Variants in TPST1 observed in about 807,000 individuals in gnomAD.
TPST1 encodes tyrosylprotein sulfotransferase 1.
A neutral mutation model predicts 34.8 loss-of-function variants in TPST1; 20 were observed. The ratio of observed to expected loss-of-function variants is 0.57; its 90% CI spans 0.40 to 0.84. The LOEUF is 0.84. Among genes scored for constraint, TPST1 ranks in the 40% least tolerant of loss-of-function variants. The pLI, the probability that TPST1 is intolerant of heterozygous loss-of-function variation, is 0.00. For missense variants in TPST1, 353 were observed against 455.5 expected (o/e 0.78, Z 2.05); for synonymous variants, 152 against 159.4 (o/e 0.95, Z 0.35).
intron 2 of TPST1, among the ~76,000 whole-genome samples, chr7:66,255,696 A>T (rs1790369543): frequency 6.6e-6 from 1 of 152,176 alleles, no homozygotes. Context: ...TGGTACTAAG[A>T]TGTTATTTGA....
In TPST1 at chr7:66,328,902, ATATATTTTTTT is replaced by A. The variant is rs1209325644; in HGVS notation, c.1045-23601_1045-23591del. On this transcript the variant is annotated intron_variant, in intron 3 of 5. Coordinates refer to ENST00000304842, the MANE Select transcript of TPST1 (RefSeq NM_003596.4). Reference sequence around the variant, plus strand: ...TCTCTCTCTCTATATATATATATATATATATTTTTTTTTTTTTTTTTTTTTTTGAGACAGGG... The same window carrying A: ...TCTCTCTCTCTATATATATATATATATTTTTTTTTTTTTTTTGAGACAGGG... Among the ~76,000 whole-genome samples, 74 of 38,582 alleles carry A rather than the reference ATATATTTTTTT, an allele frequency of 1.9e-3. 3 individuals are homozygous for A. The highest frequency in any genetic ancestry group is 0.015 in the East Asian group (25 of 1,684). The allele number at this position is 38,582 out of a possible 152,430, so 25.3% of individuals were successfully genotyped here.
At chr7:66,352,107 G>A (rs1269501590) in intron 3 of TPST1, among the ~76,000 whole-genome samples, 1 of 152,146 alleles carries the variant, frequency 6.6e-6, no homozygotes, top group Non-Finnish European at 1.5e-5. Flanking sequence ...TTGTATCCTT[G>A]GAGAATTCAA....
At chr7:66,272,351 C>T (rs1364220166) in intron 2 of TPST1, among the ~76,000 whole-genome samples, 1 of 152,072 alleles carries the variant, frequency 6.6e-6, no homozygotes, top group Non-Finnish European at 1.5e-5. Context: ...ACCACATTTA[C>T]AGAATGAAGG....
At chr7:66,270,578 A>G (rs1376978156) in intron 2 of TPST1, among the ~76,000 whole-genome samples, 3 of 152,202 alleles carry the variant, frequency 2.0e-5, no homozygotes, top group South Asian at 2.1e-4. Context: ...CTTTTAATCG[A>G]CAGATTTCCA....
chr7:66,266,545 C>G (rs1790596036), intron 2 of TPST1, among the ~76,000 whole-genome samples: 1 of 152,210 alleles, frequency 6.6e-6, no homozygotes, highest in African/African-American at 2.4e-5. Context: ...AAGTTATACA[C>G]TTTAAAAATT....
chr7:66,234,571 A>G (rs919816525), intron 1 of TPST1, among the ~76,000 whole-genome samples: 1 of 152,148 alleles, frequency 6.6e-6, no homozygotes, highest in Non-Finnish European at 1.5e-5. Flanking sequence ...TGGAATTGCC[A>G]AGATGTGTCC....
At chr7:66,308,443 T>C (rs1239467397) in intron 3 of TPST1, among the ~76,000 whole-genome samples, 1 of 152,180 alleles carries the variant, frequency 6.6e-6, no homozygotes, top group Non-Finnish European at 1.5e-5. Context: ...GCAGCTCTAA[T>C]GTAACCCCTG....
At chr7:66,220,525 G>A (rs778400695) in intron 1 of TPST1, among the ~76,000 whole-genome samples, 37 of 152,112 alleles carry the variant, frequency 2.4e-4, no homozygotes, top group Admixed American at 7.9e-4. Context: ...GGAAAGCTGC[G>A]CAGGAAAGAT....
At chr7:66,221,846 CTG>C (rs1254799482) in intron 1 of TPST1, among the ~76,000 whole-genome samples, 3 of 152,138 alleles carry the variant, frequency 2.0e-5, no homozygotes, top group African/African-American at 4.8e-5. Flanking sequence ...ACTTGGAAAA[CTG>C]TTTTTCCTCT....
chr7:66,358,717 T>C (rs1257689869), intron 5 of TPST1, among the ~76,000 whole-genome samples: 1 of 152,020 alleles, frequency 6.6e-6, no homozygotes, highest in Non-Finnish European at 1.5e-5. Flanking sequence ...GTTAGTCTTA[T>C]GCCCTGTGGG....
chr7:66,210,763 A>T (rs2116215803), intron 1 of TPST1, among the ~76,000 whole-genome samples: 1 of 152,296 alleles, frequency 6.6e-6, no homozygotes, highest in South Asian at 2.1e-4. Flanking sequence ...CAGGAGTTTG[A>T]GATCAGCCTG....
At chr7:66,315,598 A>G (rs186102018) in intron 3 of TPST1, among the ~76,000 whole-genome samples, 23 of 152,324 alleles carry the variant, frequency 1.5e-4, no homozygotes, top group African/African-American at 5.1e-4. Flanking sequence ...TATTAATGTG[A>G]CAAGACAAGA....
chr7:66,224,508 C>T (rs1279158676), intron 1 of TPST1, among the ~76,000 whole-genome samples: 1 of 152,102 alleles, frequency 6.6e-6, no homozygotes, highest in Non-Finnish European at 1.5e-5. Context: ...GGACATGTCC[C>T]CAGCATCTCT....
chr7:66,234,036 T>C (rs1442468231), intron 1 of TPST1, among the ~76,000 whole-genome samples: 2 of 152,214 alleles, frequency 1.3e-5, no homozygotes, highest in African/African-American at 4.8e-5. Flanking sequence ...TTTTGTATTT[T>C]TAGTACAGAC....
chr7:66,359,981 G>A lies in TPST1; in HGVS notation c.*116G>A. The A allele has an allele frequency of 2.2e-6, 1 of 456,634 alleles. No homozygotes were observed. Among genetic ancestry groups the A allele is most frequent in the Non-Finnish European group, 4.4e-6 (1 of 226,916 alleles). The allele number at this position is 456,634 out of a possible 1,614,324, so 28.3% of individuals were successfully genotyped here. ...TTGGTGGAGCGTCTGCACCTTGGCT[G>A]CGCCGCCTGTGCATTTGCCAGTTTC... On this transcript the variant is annotated 3_prime_UTR_variant, in exon 6 of 6. Coordinates refer to ENST00000304842, the MANE Select transcript of TPST1 (RefSeq NM_003596.4).
chr7:66,325,500 C>T (rs551201096), intron 3 of TPST1, among the ~76,000 whole-genome samples: 12 of 152,058 alleles, frequency 7.9e-5, no homozygotes, highest in African/African-American at 2.9e-4. Context: ...CCCCCCTCCC[C>T]CCAAGACAGG....
At chr7:66,320,973 G>T (rs1291849506) in intron 3 of TPST1, among the ~76,000 whole-genome samples, 1 of 152,120 alleles carries the variant, frequency 6.6e-6, no homozygotes, top group African/African-American at 2.4e-5. Context: ...TTTTAATGTT[G>T]ATACACAGTA....
chr7:66,256,740 C>A (rs1790390480), intron 2 of TPST1, among the ~76,000 whole-genome samples: 1 of 152,168 alleles, frequency 6.6e-6, no homozygotes, highest in Admixed American at 6.5e-5. Flanking sequence ...GTAGGAATAT[C>A]AGGAGTTGGG....
chr7:66,272,492 T>C (rs565797581), intron 2 of TPST1, among the ~76,000 whole-genome samples: 161 of 152,066 alleles, frequency 1.1e-3, no homozygotes, highest in African/African-American at 3.6e-3. Context: ...AAGACTATCA[T>C]AAGCCCACAG....
Sources: allele counts gnomAD v4.1 joint callset (sites outside exome capture counted in the v4.1 genomes callset), GRCh38; gene constraint gnomAD v4.1.1; transcripts MANE v1.5; gene names NCBI Gene and HGNC (gene_info 2026-07-23, HGNC 2026-07-21).